Variants in POM121 observed in about 807,000 individuals in gnomAD.
The protein encoded by POM121 is nuclear envelope pore membrane protein POM 121.
A neutral mutation model predicts 81.3 loss-of-function variants in POM121; 32 were observed. The ratio of observed to expected loss-of-function variants is 0.39; its 90% CI spans 0.30 to 0.53. The LOEUF (loss-of-function observed/expected upper bound fraction) is 0.53. Ranked by LOEUF, POM121 falls within the 20% of genes least tolerant of loss-of-function variation. POM121 has a pLI of 0.66. For synonymous variants in POM121, 514 were observed against 694.2 expected (o/e 0.74, Z 4.08); for missense variants, 1,138 against 1,614.6 (o/e 0.70, Z 5.06).
chr7:72,936,958 T>C (rs1422235647), intron 5 of POM121, among the ~76,000 whole-genome samples: 1 of 151,120 alleles, frequency 6.6e-6, no homozygotes, highest in Non-Finnish European at 1.5e-5. Flanking sequence ...TCTATGTGCT[T>C]TTAAAGTTCC....
chr7:72,908,160 G>A (rs572494182), intron 3 of POM121, among the ~76,000 whole-genome samples: 1 of 152,190 alleles, frequency 6.6e-6, no homozygotes, highest in African/African-American at 2.4e-5. Flanking sequence ...ATGATGTCGG[G>A]GGAACCCGCC....
chr7:72,907,005 A>G (rs1487958014), intron 3 of POM121, among the ~76,000 whole-genome samples: 7 of 151,858 alleles, frequency 4.6e-5, no homozygotes, highest in African/African-American at 1.7e-4. Context: ...TTAATTTTAG[A>G]TGGGTTTTTA....
At chr7:72,882,028 G>A (rs1186984386) in intron 1 of POM121, among the ~76,000 whole-genome samples, 1 of 152,200 alleles carries the variant, frequency 6.6e-6, no homozygotes, top group Non-Finnish European at 1.5e-5. Context: ...TGTGAAGCTT[G>A]TATGTATGGG....
intron 1 of POM121, among the ~76,000 whole-genome samples, chr7:72,883,453 C>T (rs1563129180): frequency 2.0e-5 from 3 of 152,082 alleles, no homozygotes; most frequent in Admixed American, 6.6e-5. Context: ...CACACCTGGC[C>T]AATAAGGAAT....
chr7:72,930,051 C>T lies in POM121; in HGVS notation c.1215C>T (p.Ile405=), dbSNP rs1554498287. ...TGACAGGCGCTTACGCAAGTGGCAT[C>T]CCTAGCTCCAGCCGCAATGCCATTA... The part of the protein sequence containing the change: ...SSLTGAYASG[I]PSSSRNAITS... Residue 405 remains isoleucine (I), a synonymous_variant, in exon 5 of 13, where the codon ATC becomes ATT. Coordinates refer to ENST00000434423, the MANE Select transcript of POM121 (RefSeq NM_001387691.1). 1 of 1,613,982 alleles carries T rather than the reference C, an allele frequency of 6.2e-7. No individual in the cohort carries two copies. The highest frequency in any genetic ancestry group is 1.7e-5 in the Admixed American group (1 of 60,014).
intron 5 of POM121, among the ~76,000 whole-genome samples, chr7:72,933,408 A>G (rs1328811163): frequency 6.6e-6 from 1 of 152,228 alleles, no homozygotes; most frequent in East Asian, 1.9e-4. Flanking sequence ...TCATCTGTTC[A>G]TATGTTGAAT....
chr7:72,903,793 AT>A (rs1228457685), intron 3 of POM121, among the ~76,000 whole-genome samples: 1 of 152,020 alleles, frequency 6.6e-6, no homozygotes, highest in African/African-American at 2.4e-5. Context: ...TTATTTATTT[AT>A]TTTTTAAGAT....
upstream of POM121, among the ~76,000 whole-genome samples, chr7:72,923,824 C>G (rs1554496477): frequency 6.6e-6 from 1 of 151,916 alleles, no homozygotes; most frequent in Non-Finnish European, 1.5e-5. Context: ...TGGTCTCAAA[C>G]TCCTGACCTC....
intron 1 of POM121, among the ~76,000 whole-genome samples, chr7:72,886,451 A>G (rs146308737): frequency 0.017 from 2,490 of 148,190 alleles, 64 homozygotes; most frequent in African/African-American, 0.06. Flanking sequence ...TGGGATTACA[A>G]GTGTGAGCCA....
intron 3 of POM121, among the ~76,000 whole-genome samples, chr7:72,897,385 A>G (rs1554491863): frequency 2.0e-5 from 3 of 152,194 alleles, no homozygotes; most frequent in African/African-American, 7.2e-5. Context: ...AACAGCAGAA[A>G]AAGCCAATGA....
chr7:72,926,255 T>C lies in POM121; in HGVS notation c.645-7T>C. The C allele has an allele frequency of 6.4e-7, 1 of 1,553,094 alleles. No individual in the cohort carries two copies. The highest frequency in any genetic ancestry group is 8.7e-7 in the Non-Finnish European group (1 of 1,147,170). ...TGGTTCCGTGATTTGTCTCGCATTC[T>C]CTGCAGGGATTGTGGGACTTTACCA... is the stretch of plus-strand genomic sequence containing the variant. On this transcript the variant is annotated splice_polypyrimidine_tract_variant and splice_region_variant and intron_variant, in intron 1 of 12. Coordinates refer to ENST00000434423, the MANE Select transcript of POM121 (RefSeq NM_001387691.1).
chr7:72,890,988 A>G (rs1791247342), exon 3 of POM121: 2 of 1,220,928 alleles, frequency 1.6e-6, no homozygotes, highest in South Asian at 2.6e-5. Flanking sequence ...CAACTTGCCC[A>G]AGTCCTTCTT....
rs1797796557 is a variant in POM121, at chr7:72,947,867, G to T, written c.*1633G>T. On this transcript the variant is annotated 3_prime_UTR_variant, in exon 13 of 13. Transcript: ENST00000434423. ...TGCCCCCTCCCCGATGTGACTGAGG[G>T]TGAGTGAGTGGTGGCGGGGCTGCTC... 2.0e-6 allele frequency: 2 copies of T among 993,860 alleles called. No homozygotes were observed. Among genetic ancestry groups the T allele is most frequent in the Non-Finnish European group, 2.4e-6 (2 of 834,338 alleles). 61.6% of individuals were successfully genotyped at this position (993,860 alleles called of 1,614,324 possible).
chr7:72,882,636 A>G (rs1790274968), intron 1 of POM121, among the ~76,000 whole-genome samples: 1 of 152,072 alleles, frequency 6.6e-6, no homozygotes, highest in Non-Finnish European at 1.5e-5. Flanking sequence ...CAAGTAAACA[A>G]TTCTGTTTTT....
At chr7:72,948,970 T>C (rs782522021), downstream of POM121, 4 of 1,610,710 alleles carry the variant, frequency 2.5e-6, no homozygotes, top group Admixed American at 1.7e-5. Context: ...GCACATGGAG[T>C]AGACGAGCCG....
rs1554498263 is a variant in POM121, at chr7:72,930,015, C to G, written c.1179C>G (p.Ser393=). 3.7e-6 allele frequency: 6 copies of G among 1,613,868 alleles called. No homozygotes were observed. The highest frequency in any genetic ancestry group is 4.2e-6 in the Non-Finnish European group (5 of 1,179,858). ...DHLNKRSRSS[S]MSSLTGAYAS... Reference sequence around the variant, plus strand: ...TGAATAAGAGATCCCGAAGCTCTTCCATGAGCTCCTTGACAGGCGCTTACG... The same window carrying G: ...TGAATAAGAGATCCCGAAGCTCTTCGATGAGCTCCTTGACAGGCGCTTACG... Residue 393 remains serine, a synonymous_variant, in exon 5 of 13, where the codon TCC becomes TCG. Coordinates refer to ENST00000434423, the MANE Select transcript of POM121 (RefSeq NM_001387691.1).
chr7:72,894,644 AGAGAGAGAGAGAGAGAGAGAGAG>A (rs1791717672), intron 3 of POM121, among the ~76,000 whole-genome samples: 46 of 135,258 alleles, frequency 3.4e-4, no homozygotes, highest in African/African-American at 1.2e-3. Flanking sequence ...AGAGAGAGAG[AGAGAGAGAGAGAGAGAGAGAGAG>A]AGAGAGAGAG....
At chr7:72,926,990 C>T (rs368167847) in intron 3 of POM121, 27 bp downstream of exon 3, 14 of 1,613,916 alleles carry the variant, frequency 8.7e-6, no homozygotes, top group African/African-American at 8.0e-5. Context: ...AGTACTAAGC[C>T]GGTTTCGCGC....
At position 72,946,341 on chromosome 7, in the gene POM121, C is replaced by G; in HGVS notation, c.*107C>G. 6.8e-7 allele frequency: 1 copy of G among 1,466,906 alleles called. No homozygotes were observed. Among genetic ancestry groups the G allele is most frequent in the Non-Finnish European group, 9.0e-7 (1 of 1,106,146 alleles). 90.9% of individuals were successfully genotyped at this position (1,466,906 alleles called of 1,614,324 possible). A position where few individuals can be genotyped will look rare whatever the true frequency, so the allele number is the denominator to read the frequency against. Reference sequence around the variant, plus strand: ...CCAGTTGCGTAAAGCAAACCTACCCCGGATCTCTGGCTTCAGCCGCCAGGG... The same window carrying G: ...CCAGTTGCGTAAAGCAAACCTACCCGGGATCTCTGGCTTCAGCCGCCAGGG... On this transcript the variant is annotated 3_prime_UTR_variant, in exon 13 of 13. Coordinates refer to ENST00000434423, the MANE Select transcript of POM121 (RefSeq NM_001387691.1).
Sources: allele counts gnomAD v4.1 joint callset (sites outside exome capture counted in the v4.1 genomes callset), GRCh38; gene constraint gnomAD v4.1.1; transcripts MANE v1.5; gene names NCBI Gene and HGNC (gene_info 2026-07-23, HGNC 2026-07-21).